The following DRC7 variants were observed in gnomAD, a reference collection of about 807,000 sequenced individuals.
The protein encoded by DRC7 is dynein regulatory complex subunit 7.
DRC7 carries 80 observed loss-of-function variants against 104.4 expected under a neutral mutation model. The observed-to-expected ratio is 0.77, with a 90% CI of 0.64 to 0.92. The LOEUF is 0.92. Ranked by LOEUF, DRC7 falls within the 40% of genes least tolerant of loss-of-function variation. DRC7 has a pLI of 0.00. For synonymous variants in DRC7, 405 were observed against 447.3 expected, an observed-to-expected ratio of 0.91 and a Z score of 1.19; for missense variants, 1,034 against 1,141.1, an observed-to-expected ratio of 0.91 and a Z score of 1.35.
At chr16:57,717,401 TAAA>T (rs56358409) in intron 8 of DRC7, among the ~76,000 whole-genome samples, 5 of 132,780 alleles carry the variant, frequency 3.8e-5, no homozygotes, top group Non-Finnish European at 3.3e-5. Flanking sequence ...TGCACTGGCT[TAAA>T]AAAAAAAAAA....
At chr16:57,701,809 C>T in intron 5 of DRC7, 127 bp from the exon 6 acceptor site, 1 of 746,282 alleles carries the variant, frequency 1.3e-6, no homozygotes, top group South Asian at 1.8e-5. Context: ...GGTTAGGGGC[C>T]CAAAGCAGGT....
Position 57,702,210 on chromosome 16 carries a change from A to G in DRC7, c.699+80A>G, listed in dbSNP as rs1171669646. On this transcript the variant is annotated intron_variant, in intron 6 of 18. Transcript: ENST00000360716. ...TGTCGTGCCATCCTTAGAGACGTCC[A>G]TCACTGCCGCCTCATCCCCAGCCCT... 15 of 1,467,430 alleles carry G rather than the reference A, an allele frequency of 1.0e-5. No individual in the cohort carries two copies. The East Asian group carries it at 3.0e-4, about 30-fold the overall frequency. 90.9% of individuals were successfully genotyped at this position (1,467,430 alleles called of 1,614,324 possible).
At chr16:57,718,207 G>A (rs1244550252) in intron 8 of DRC7, 140 bp from the exon 9 acceptor site, 2 of 1,065,300 alleles carry the variant, frequency 1.9e-6, no homozygotes, top group Non-Finnish European at 2.7e-6. Flanking sequence ...GAGCCACCTG[G>A]GACTGACGTT....
intron 6 of DRC7, 25 bp from the exon 7 acceptor site, chr16:57,704,851 C>A: frequency 6.2e-7 from 1 of 1,611,702 alleles, no homozygotes; most frequent in Non-Finnish European, 8.5e-7. Flanking sequence ...GGGCCACTGA[C>A]CCTTCCTCTT....
chr16:57,715,362 A>G (rs1213355457), intron 8 of DRC7, among the ~76,000 whole-genome samples: 1 of 151,984 alleles, frequency 6.6e-6, no homozygotes, highest in African/African-American at 2.4e-5. Flanking sequence ...CTGCTTTTTT[A>G]ATGGTCATTT....
chr16:57,707,861 A>T, intron 8 of DRC7, 183 bp downstream of exon 8: 1 of 619,408 alleles, frequency 1.6e-6, no homozygotes, highest in East Asian at 2.8e-5. Flanking sequence ...TTCTGATACG[A>T]TTATTGTCTC....
At chr16:57,722,921 G>T in intron 11 of DRC7, 80 bp downstream of exon 11, 1 of 1,612,502 alleles carries the variant, frequency 6.2e-7, no homozygotes, top group Non-Finnish European at 8.5e-7. Context: ...GGTCATTGCT[G>T]GCCTCTGTGT....
In DRC7 at chr16:57,726,079, G is replaced by A. The variant is rs1323544000; in HGVS notation, c.1770G>A (p.Glu590=). 1.2e-6 allele frequency: 2 copies of A among 1,613,126 alleles called. No individual in the cohort carries two copies. Among genetic ancestry groups the A allele is most frequent in the African/African-American group, 2.7e-5 (2 of 75,064 alleles). ...TTCTGGCCTCCCAGAAAATCACAGA[G>A]CGGTTCTTCCGCAACCCAGCGAAGC... ...SNPRPIVKIT[E]RFFRNPAKPA... Residue 590 remains glutamate, a synonymous_variant, in exon 14 of 19, where the codon GAG becomes GAA. Coordinates refer to ENST00000360716, the MANE Select transcript of DRC7 (RefSeq NM_001289162.2).
intron 10 of DRC7, among the ~76,000 whole-genome samples, chr16:57,722,390 AG>A (rs1567884889): frequency 2.0e-5 from 3 of 152,024 alleles, no homozygotes; most frequent in Admixed American, 1.3e-4. Context: ...CAACAAGGGG[AG>A]GAGGGGATGA....
Position 57,726,821 on chromosome 16 carries a change from T to G in DRC7, c.1975-11T>G, listed in dbSNP as rs1391406369. 4 of 1,586,884 alleles carry G rather than the reference T, an allele frequency of 2.5e-6. No homozygotes were observed. The highest frequency in any genetic ancestry group is 1.1e-5 in the South Asian group (1 of 89,612). ...AGCCTCTCTGTGTTACTAAGGTGGT[T>G]GTTGTCCCAGGTGGAGCCCATGGAG... On this transcript the variant is annotated splice_polypyrimidine_tract_variant and intron_variant, in intron 14 of 18. Transcript: ENST00000360716.
At chr16:57,698,190 C>T (rs751220653) in intron 3 of DRC7, 38 bp downstream of exon 3, 5 of 1,612,568 alleles carry the variant, frequency 3.1e-6, no homozygotes, top group Admixed American at 1.7e-5. Context: ...CAAGGGTAGA[C>T]CGGGGCTGGG....
chr16:57,697,790 T>C, intron 2 of DRC7, 123 bp from the exon 3 acceptor site: 3 of 1,049,484 alleles, frequency 2.9e-6, no homozygotes, highest in Non-Finnish European at 4.1e-6. Context: ...AGGGAATCAC[T>C]CCCTATGTGT....
intron 7 of DRC7, among the ~76,000 whole-genome samples, chr16:57,705,649 A>C (rs2048708172): frequency 9.0e-6 from 1 of 111,402 alleles, no homozygotes; most frequent in African/African-American, 3.5e-5. Flanking sequence ...CCTCCCACCC[A>C]TCCTCCCATC....
intron 5 of DRC7, among the ~76,000 whole-genome samples, chr16:57,700,574 G>A (rs576310150): frequency 6.8e-6 from 1 of 148,090 alleles, no homozygotes; most frequent in South Asian, 2.1e-4. Flanking sequence ...TTGAACCTGG[G>A]AAGCGGAAGT....
At chr16:57,719,905 G>A (rs1296322826) in intron 9 of DRC7, among the ~76,000 whole-genome samples, 2 of 152,088 alleles carry the variant, frequency 1.3e-5, no homozygotes, top group East Asian at 3.9e-4. Context: ...CATTCAAACA[G>A]TAAGTGATCA....
intron 8 of DRC7, among the ~76,000 whole-genome samples, chr16:57,712,775 C>G (rs1284136379): frequency 6.6e-6 from 1 of 152,118 alleles, no homozygotes; most frequent in Non-Finnish European, 1.5e-5. Flanking sequence ...TCAAGCGATT[C>G]TCCTGGCTCA....
chr16:57,707,013 C>T (rs1208442514), intron 7 of DRC7, among the ~76,000 whole-genome samples: 3 of 152,192 alleles, frequency 2.0e-5, no homozygotes. Flanking sequence ...TCCCCACTCC[C>T]TTCTTTCCTT....
intron 18 of DRC7, 33 bp downstream of exon 18, chr16:57,731,103 T>G (rs2049057650): frequency 6.2e-7 from 1 of 1,613,552 alleles, no homozygotes; most frequent in Admixed American, 1.7e-5. Flanking sequence ...GAGAACCCAC[T>G]GGGAGGCTGG....
intron 9 of DRC7, 107 bp downstream of exon 9, chr16:57,718,582 G>C (rs2048869940): frequency 7.7e-7 from 1 of 1,297,700 alleles, no homozygotes; most frequent in South Asian, 1.4e-5. Flanking sequence ...GGCCCAAGTA[G>C]ACCAGTGATG....
Sources: gnomAD v4.1 joint callset for allele counts (sites outside exome capture counted in the v4.1 genomes callset) on GRCh38, gnomAD v4.1.1 for gene constraint, MANE v1.5 for transcripts, NCBI Gene and HGNC (gene_info 2026-07-23, HGNC 2026-07-21) for gene names.